Variants in PCDHGA4 observed in about 807,000 individuals in gnomAD.
PCDHGA4 encodes the protein protocadherin gamma subfamily A, 4, also known as protocadherin gamma-A4.
A neutral mutation model predicts 54.6 loss-of-function variants in PCDHGA4; 38 were observed. That is an observed-to-expected ratio of 0.70 (90% confidence interval 0.54 to 0.91). The LOEUF is 0.91. Among genes scored for constraint, PCDHGA4 ranks in the 40% least tolerant of loss-of-function variants. The pLI, the probability that PCDHGA4 is intolerant of heterozygous loss-of-function variation, is 0.00. For synonymous variants in PCDHGA4, 511 were observed against 512.9 expected, an observed-to-expected ratio of 1.00 and a Z score of 0.05; for missense variants, 1,298 against 1,220.9, an observed-to-expected ratio of 1.06 and a Z score of -0.94.
At chr5:141,394,690 T>A (rs745602076) in intron 1 of PCDHGA4, 1 of 1,610,768 alleles carries the variant, frequency 6.2e-7, no homozygotes, top group East Asian at 2.2e-5. Flanking sequence ...ACGGGCGAGG[T>A]GCGCACGGCG....
intron 1 of PCDHGA4, among the ~76,000 whole-genome samples, chr5:141,459,755 G>A (rs1383912891): frequency 2.0e-5 from 3 of 152,182 alleles, no homozygotes; most frequent in African/African-American, 7.2e-5. Flanking sequence ...CAATTCTAGT[G>A]GGTGTGTGAT....
At chr5:141,403,978 C>T (rs965753943) in intron 1 of PCDHGA4, 2 of 1,613,714 alleles carry the variant, frequency 1.2e-6, no homozygotes, top group African/African-American at 2.7e-5. Context: ...ATGTAAATGA[C>T]AATAGACCTG....
chr5:141,409,483 G>A, intron 1 of PCDHGA4: 1 of 1,613,944 alleles, frequency 6.2e-7, no homozygotes, highest in Non-Finnish European at 8.5e-7. Context: ...CCACTGACAG[G>A]GGCAAGCCGC....
rs199507728 is a variant in PCDHGA4, at chr5:141,422,807, G to A, written c.2514+65186G>A. On this transcript the variant is annotated intron_variant, in intron 1 of 3. Coordinates refer to ENST00000571252, the MANE Select transcript of PCDHGA4 (RefSeq NM_018917.4). ...CAATCCTTCGACTATGAGCAGTTTC[G>A]AGACTTAGAACTGAGAGTGATAGCA... 1.9e-3 allele frequency: 3,146 copies of A among 1,614,198 alleles called. 36 individuals are homozygous for A. The highest frequency in any genetic ancestry group is 0.018 in the South Asian group (1,680 of 91,084).
At chr5:141,502,552 T>C (rs1217408446) in intron 2 of PCDHGA4, among the ~76,000 whole-genome samples, 1 of 152,146 alleles carries the variant, frequency 6.6e-6, no homozygotes, top group Non-Finnish European at 1.5e-5. Context: ...AAAAACAGTG[T>C]CCCAGATCTC....
At chr5:141,361,713 C>A in intron 1 of PCDHGA4, 1 of 1,613,404 alleles carries the variant, frequency 6.2e-7, no homozygotes, top group Non-Finnish European at 8.5e-7. Context: ...AGCAGCTGCG[C>A]GCCTTCGAGC....
chr5:141,369,203 TG>T (rs1766087260), intron 1 of PCDHGA4, among the ~76,000 whole-genome samples: 1 of 152,170 alleles, frequency 6.6e-6, no homozygotes, highest in Non-Finnish European at 1.5e-5. Context: ...GATGGTAAAC[TG>T]GGGACCAAGG....
At position 141,486,061 on chromosome 5, in the gene PCDHGA4, C is replaced by T. The variant is rs1280895997; in HGVS notation, c.2515-8746C>T. 2 of 1,614,166 alleles carry T rather than the reference C, an allele frequency of 1.2e-6. No individual in the cohort carries two copies. Among genetic ancestry groups the T allele is most frequent in the South Asian group, 1.1e-5 (1 of 91,078 alleles). On this transcript the variant is annotated intron_variant, in intron 1 of 3. Coordinates refer to ENST00000571252, the MANE Select transcript of PCDHGA4 (RefSeq NM_018917.4). The surrounding 1 kb of genome is among the most constrained non-coding windows in gnomAD (Gnocchi z 5.0). ...GTGTAAGAAACCTCTTTAGCCTGCA[C>T]CCCACTACTGGAAAGCTTACTCTTT...
At chr5:141,414,352 T>C in intron 1 of PCDHGA4, 8 of 1,613,968 alleles carry the variant, frequency 5.0e-6, no homozygotes, top group Non-Finnish European at 6.8e-6. Flanking sequence ...CATTTTGGCG[T>C]ATCTACCATT....
chr5:141,371,370 C>T, intron 1 of PCDHGA4: 1 of 1,613,934 alleles, frequency 6.2e-7, no homozygotes, highest in Non-Finnish European at 8.5e-7. Flanking sequence ...GGATGGTGGA[C>T]ATCACACTGC....
Position 141,357,368 on chromosome 5 carries a change from G to C in PCDHGA4, c.2261G>C (p.Arg754Pro). The part of the protein sequence containing the change: ...ALKLRRWHKS[R>P]LLHAEGSRLA... ...AAGCTGAGACGCTGGCACAAGTCAC[G>C]CCTGCTTCACGCTGAAGGCAGCAGG... Residue 754 changes from arginine (R) to proline (P), a missense_variant, in exon 1 of 4, where the codon CGC becomes CCC. Transcript: ENST00000571252. The C allele has an allele frequency of 1.2e-6, 2 of 1,614,156 alleles. No homozygotes were observed. Among genetic ancestry groups the C allele is most frequent in the Non-Finnish European group, 1.7e-6 (2 of 1,179,994 alleles).
chr5:141,389,301 A>G (rs2091692161), intron 1 of PCDHGA4: 3 of 1,614,010 alleles, frequency 1.9e-6, no homozygotes, highest in Non-Finnish European at 2.5e-6. Flanking sequence ...TTCACAAGTC[A>G]GGGCTTCTGA....
At chr5:141,503,178 T>C (rs988629461) in intron 2 of PCDHGA4, among the ~76,000 whole-genome samples, 56 of 151,998 alleles carry the variant, frequency 3.7e-4, no homozygotes, top group African/African-American at 1.3e-3. Flanking sequence ...TACTCTATTG[T>C]GTAATTATTT....
chr5:141,379,709 C>G (rs1200100284), intron 1 of PCDHGA4: 1 of 152,094 alleles, frequency 6.6e-6, no homozygotes, highest in Non-Finnish European at 1.5e-5. Context: ...AACATCCTGG[C>G]AGTCATGGAA....
At chr5:141,426,898 C>T (rs1246109323) in intron 1 of PCDHGA4, 1 of 456,634 alleles carries the variant, frequency 2.2e-6, no homozygotes, top group African/African-American at 2.0e-5. Flanking sequence ...CAACAGAGCT[C>T]TCATCTCCTG....
At chr5:141,371,947 G>C in intron 1 of PCDHGA4, 1 of 1,613,300 alleles carries the variant, frequency 6.2e-7, no homozygotes, top group Non-Finnish European at 8.5e-7. Context: ...TTCGCGCAGC[G>C]AGCCTTCGAC....
intron 1 of PCDHGA4, chr5:141,365,931 C>T (rs1221190365): frequency 6.2e-7 from 1 of 1,614,112 alleles, no homozygotes; most frequent in African/African-American, 1.3e-5. Flanking sequence ...TGGGTGACAG[C>T]CAGCGACAGT....
intron 1 of PCDHGA4, among the ~76,000 whole-genome samples, chr5:141,455,201 CAATAAGAGTTTTT>C (rs1373301624): frequency 6.6e-6 from 1 of 151,722 alleles, no homozygotes; most frequent in Non-Finnish European, 1.5e-5. Flanking sequence ...AATTTACAAC[CAATAAGAGTTTTT>C]AATGCTTTGA....
Position 141,365,034 on chromosome 5 carries a change from C to T in PCDHGA4, c.2514+7413C>T, listed in dbSNP as rs759635927. The T allele has an allele frequency of 8.7e-6, 14 of 1,613,758 alleles. No homozygotes were observed. The African/African-American group carries it at 1.7e-4, about 20-fold the overall frequency. ...CACATCCGTGTTACGGTCCTCGACGCAAACGACAATGCGCCCCTGTTCACC... is the reference window on the plus strand; with the variant it reads ...CACATCCGTGTTACGGTCCTCGACGTAAACGACAATGCGCCCCTGTTCACC... On this transcript the variant is annotated intron_variant, in intron 1 of 3. Coordinates refer to ENST00000571252, the MANE Select transcript of PCDHGA4 (RefSeq NM_018917.4).
Sources: gnomAD v4.1 joint callset for allele counts (sites outside exome capture counted in the v4.1 genomes callset) on GRCh38, gnomAD v4.1.1 for gene constraint, Gnocchi (gnomAD v3.1) non-coding constraint, MANE v1.5 for transcripts, NCBI Gene and HGNC (gene_info 2026-07-23, HGNC 2026-07-21) for gene names.